Variants in EIF2AK3 observed in about 807,000 individuals in gnomAD.
The protein encoded by EIF2AK3 is eukaryotic translation initiation factor 2-alpha kinase 3.
A neutral mutation model predicts 113.5 loss-of-function variants in EIF2AK3; 50 were observed. That is an observed-to-expected ratio of 0.44 (90% confidence interval 0.35 to 0.56). The LOEUF is 0.56. Among genes scored for constraint, EIF2AK3 ranks in the 20% least tolerant of loss-of-function variants. The probability of loss-of-function intolerance (pLI) is 0.00; values close to 1 mark genes in which losing one functional copy is unlikely to be tolerated. For synonymous variants in EIF2AK3, 448 were observed against 495.4 expected (o/e 0.90, Z 1.27); for missense variants, 1,185 against 1,378.0 (o/e 0.86, Z 2.22).
At chr2:88,571,486 C>T (rs1674306686) in intron 13 of EIF2AK3, among the ~76,000 whole-genome samples, 1 of 152,116 alleles carries the variant, frequency 6.6e-6, no homozygotes, top group Non-Finnish European at 1.5e-5. Context: ...GTACTACAAC[C>T]CCATTAGATG....
intron 2 of EIF2AK3, among the ~76,000 whole-genome samples, chr2:88,612,454 T>G (rs1416250925): frequency 2.0e-5 from 3 of 152,260 alleles, no homozygotes; most frequent in African/African-American, 7.2e-5. Context: ...ATAAACTTAA[T>G]GTAATTTACA....
At chr2:88,563,577 A>G (rs1674021800) in intron 14 of EIF2AK3, among the ~76,000 whole-genome samples, 1 of 152,224 alleles carries the variant, frequency 6.6e-6, no homozygotes, top group Non-Finnish European at 1.5e-5. Flanking sequence ...CTCCTGCTTA[A>G]TGATGCCATC....
chr2:88,587,949 A>G (rs1334356055), intron 8 of EIF2AK3, 33 bp downstream of exon 8: 2 of 1,416,934 alleles, frequency 1.4e-6, no homozygotes, highest in Non-Finnish European at 1.9e-6. Context: ...AAATTAAAAA[A>G]TAAAATAAAT....
intron 16 of EIF2AK3, among the ~76,000 whole-genome samples, 154 bp from the exon 17 acceptor site, chr2:88,558,090 C>T (rs1673832733): frequency 6.6e-6 from 1 of 152,082 alleles, no homozygotes; most frequent in South Asian, 2.1e-4. Context: ...TCAGCTCTGC[C>T]GTCAATGCAC....
Position 88,586,403 on chromosome 2 carries a change from CTTTT to C in EIF2AK3, c.1430-346_1430-343del, listed in dbSNP as rs573376258. Among the ~76,000 whole-genome samples the C allele has an allele frequency of 3.6e-3, 554 of 151,970 alleles. 1 individual carries two copies. Among genetic ancestry groups the C allele is most frequent in the Non-Finnish European group, 6.7e-3 (458 of 67,940 alleles). ...CTTCCTTCAGGGTATTTTTAGCTTTCTTTTTGTTTAGTTATCAATAAAATACCAA... is the reference window on the plus strand; with the variant it reads ...CTTCCTTCAGGGTATTTTTAGCTTTCTGTTTAGTTATCAATAAAATACCAA... On this transcript the variant is annotated intron_variant, in intron 8 of 16. Transcript: ENST00000303236.
At chr2:88,585,744 G>T in intron 9 of EIF2AK3, 97 bp downstream of exon 9, 1 of 1,182,638 alleles carries the variant, frequency 8.5e-7, no homozygotes, top group Non-Finnish European at 1.2e-6. Flanking sequence ...AGTAGCTTTG[G>T]TGGAGCAGTA....
intron 3 of EIF2AK3, among the ~76,000 whole-genome samples, chr2:88,594,940 T>C (rs991010854): frequency 6.6e-6 from 1 of 150,776 alleles, no homozygotes; most frequent in Non-Finnish European, 1.5e-5. Context: ...CTGCTTATAA[T>C]CCCAGCACTT....
At chr2:88,594,188 C>A (rs946628614) in intron 3 of EIF2AK3, 1 of 152,292 alleles carries the variant, frequency 6.6e-6, no homozygotes, top group Non-Finnish European at 1.5e-5. Context: ...AGTAAAAAGA[C>A]CACGTTTCTA....
chr2:88,627,898 T>C (rs376762830), upstream of EIF2AK3: 4 of 152,478 alleles, frequency 2.6e-5, 1 homozygote, highest in South Asian at 2.0e-4. Context: ...TGAAGAGGAC[T>C]GTCCCAAGTG....
At chr2:88,622,048 C>A (rs1487882057) in intron 1 of EIF2AK3, among the ~76,000 whole-genome samples, 1 of 152,012 alleles carries the variant, frequency 6.6e-6, no homozygotes, top group Non-Finnish European at 1.5e-5. Flanking sequence ...AGACGTGTGC[C>A]ACCATGCCTG....
At chr2:88,619,362 G>C (rs1326094819) in intron 1 of EIF2AK3, among the ~76,000 whole-genome samples, 1 of 152,098 alleles carries the variant, frequency 6.6e-6, no homozygotes, top group Non-Finnish European at 1.5e-5. Context: ...GTTCTACCTA[G>C]ATGGTCAATG....
chr2:88,602,073 A>G (rs2104453771), intron 2 of EIF2AK3, among the ~76,000 whole-genome samples: 1 of 151,930 alleles, frequency 6.6e-6, no homozygotes, highest in Non-Finnish European at 1.5e-5. Flanking sequence ...GGGTGGTCTC[A>G]GTCTCCTGAC....
intron 8 of EIF2AK3, among the ~76,000 whole-genome samples, chr2:88,586,449 T>G (rs958171527): frequency 2.6e-5 from 4 of 152,104 alleles, no homozygotes; most frequent in African/African-American, 9.7e-5. Flanking sequence ...CCACCAATCA[T>G]TCTTCACAAA....
intron 6 of EIF2AK3, among the ~76,000 whole-genome samples, chr2:88,589,215 A>C (rs916229323): frequency 7.2e-5 from 11 of 152,242 alleles, no homozygotes; most frequent in African/African-American, 2.4e-4. Context: ...GCTTACACTA[A>C]GTAACTTTCT....
rs562066001 is a variant in EIF2AK3, at chr2:88,560,847, C to T, written c.3087+1442G>A. On this transcript the variant is annotated intron_variant, in intron 15 of 16. Coordinates refer to ENST00000303236, the MANE Select transcript of EIF2AK3 (RefSeq NM_004836.7). ...TATGTGAGAACTACATCCTCTTCTA[C>T]CATGGCCAGAGATCAATAAGTAAGA... Among the ~76,000 whole-genome samples the T allele has an allele frequency of 1.2e-4, 18 of 151,618 alleles. No homozygotes were observed. The South Asian group carries it at 3.7e-3, about 32-fold the overall frequency.
intron 11 of EIF2AK3, among the ~76,000 whole-genome samples, chr2:88,578,738 C>T (rs535554917): frequency 6.6e-6 from 1 of 150,596 alleles, no homozygotes; most frequent in South Asian, 2.1e-4. Flanking sequence ...AAAGGTATTG[C>T]TGGAACCCTA....
intron 9 of EIF2AK3, among the ~76,000 whole-genome samples, chr2:88,584,825 A>C (rs1191156980): frequency 6.6e-6 from 1 of 152,140 alleles, no homozygotes; most frequent in Non-Finnish European, 1.5e-5. Flanking sequence ...AAGCGAGAGC[A>C]CGGTCTACAG....
At chr2:88,621,914 T>TTTTTA (rs1675733559) in intron 1 of EIF2AK3, among the ~76,000 whole-genome samples, 1 of 150,960 alleles carries the variant, frequency 6.6e-6, no homozygotes, top group Non-Finnish European at 1.5e-5. Flanking sequence ...TTTTTTTTTT[T>TTTTTA]GAGGCAGAGT....
At position 88,585,922 on chromosome 2, in the gene EIF2AK3, T is replaced by G. The variant is rs780972290; in HGVS notation, c.1569A>C (p.Lys523Asn). 3.1e-6 allele frequency: 5 copies of G among 1,614,178 alleles called. No individual in the cohort carries two copies. The highest frequency in any genetic ancestry group is 4.2e-6 in the Non-Finnish European group (5 of 1,180,014). The change falls in exon 9 of 17, where the codon AAA (lysine) becomes AAC (asparagine). Residue 523 changes from lysine (K) to asparagine (N), a missense_variant. This residue lies in a region of EIF2AK3 where 877 missense variants were observed against 1,024.2 expected (regional missense o/e 0.86). Transcript: ENST00000303236. ...AAAACAAAATCGTTGCAACTATTTC[T>G]TTCCACCAGTGTAAAAGAAGAACAG... ...KDPVLLLHWW[K>N]EIVATILFCI...
Sources: allele counts gnomAD v4.1 joint callset (sites outside exome capture counted in the v4.1 genomes callset), GRCh38; gene constraint gnomAD v4.1.1; regional missense constraint gnomAD v4.1.1; transcripts MANE v1.5; gene names NCBI Gene and HGNC (gene_info 2026-07-23, HGNC 2026-07-21).